Variants in FOXP2 observed in about 807,000 individuals in gnomAD.
FOXP2 encodes forkhead box P2, also known as forkhead box protein P2.
A neutral mutation model predicts 115.8 loss-of-function variants in FOXP2; 12 were observed. The ratio of observed to expected loss-of-function variants is 0.10; its 90% CI spans 0.07 to 0.17. FOXP2 has a LOEUF of 0.17. Ranked by LOEUF, FOXP2 falls within the 10% of genes least tolerant of loss-of-function variation. The pLI is 1.00. For synonymous variants in FOXP2, 328 were observed against 297.7 expected, an observed-to-expected ratio of 1.10 and a Z score of -1.05; for missense variants, 629 against 843.5, an observed-to-expected ratio of 0.75 and a Z score of 3.15.
intron 1 of FOXP2, among the ~76,000 whole-genome samples, chr7:114,120,018 T>C (rs918726234): frequency 6.6e-6 from 1 of 152,176 alleles, no homozygotes; most frequent in Non-Finnish European, 1.5e-5. Flanking sequence ...AGCAGAGGTA[T>C]AGAAAATCCC....
chr7:114,560,345 C>T (rs974471053), intron 3 of FOXP2, among the ~76,000 whole-genome samples: 3 of 152,114 alleles, frequency 2.0e-5, no homozygotes, highest in African/African-American at 7.2e-5. Flanking sequence ...GTGTCTCACA[C>T]CTGTAATCCC....
chr7:114,322,993 G>A (rs1161570090), intron 2 of FOXP2, among the ~76,000 whole-genome samples: 1 of 152,010 alleles, frequency 6.6e-6, no homozygotes, highest in Non-Finnish European at 1.5e-5. Flanking sequence ...GAGTTCTTTG[G>A]CAGATTTATA....
intron 3 of FOXP2, among the ~76,000 whole-genome samples, chr7:114,584,206 T>A (rs888943618): frequency 6.6e-6 from 1 of 152,150 alleles, no homozygotes; most frequent in African/African-American, 2.4e-5. Context: ...CTATGGCATT[T>A]TTCTGATTTT....
At chr7:114,256,820 T>G (rs1795625586) in intron 1 of FOXP2, among the ~76,000 whole-genome samples, 1 of 152,184 alleles carries the variant, frequency 6.6e-6, no homozygotes, top group African/African-American at 2.4e-5. Context: ...GGAAAAACAT[T>G]CCATGCTCAT....
intron 1 of FOXP2, among the ~76,000 whole-genome samples, chr7:114,195,084 C>T (rs999149271): frequency 4.3e-4 from 66 of 152,170 alleles, no homozygotes; most frequent in African/African-American, 1.5e-3. Flanking sequence ...TTGAGTCTGT[C>T]CTTGGGCATT....
intron 2 of FOXP2, among the ~76,000 whole-genome samples, chr7:114,507,111 G>T (rs1404008793): frequency 6.6e-6 from 1 of 151,720 alleles, no homozygotes; most frequent in Non-Finnish European, 1.5e-5. Flanking sequence ...ATCAGTTGGT[G>T]TCCTGGAAGT....
At chr7:114,218,282 T>C (rs1176318848) in intron 1 of FOXP2, among the ~76,000 whole-genome samples, 1 of 152,168 alleles carries the variant, frequency 6.6e-6, no homozygotes, top group East Asian at 1.9e-4. Context: ...ACTCTCCAAA[T>C]ACAAAATGAC....
At chr7:114,586,764 A>G (rs1258767902) in intron 3 of FOXP2, among the ~76,000 whole-genome samples, 1 of 152,096 alleles carries the variant, frequency 6.6e-6, no homozygotes, top group Admixed American at 6.6e-5. Flanking sequence ...TTCCCTCAAA[A>G]CAGTCATTTG....
chr7:114,176,684 G>A (rs1195796264), intron 1 of FOXP2, among the ~76,000 whole-genome samples: 3 of 43,066 alleles, frequency 7.0e-5, no homozygotes, highest in Admixed American at 6.5e-4. Context: ...TTTTTTTTTT[G>A]TAAGCTTTTA....
At chr7:114,135,356 G>A (rs1823515) in intron 1 of FOXP2, among the ~76,000 whole-genome samples, 124,910 of 152,034 alleles carry the variant, frequency 0.82, 52,508 homozygotes, top group Non-Finnish European at 0.92. Context: ...TTTTTAAAAA[G>A]GCAAAGAAAA....
At chr7:114,269,928 C>T (rs1654962476) in intron 1 of FOXP2, among the ~76,000 whole-genome samples, 1 of 152,098 alleles carries the variant, frequency 6.6e-6, no homozygotes, top group South Asian at 2.1e-4. Context: ...TTACTTTGTG[C>T]CAGGTGCTTT....
chr7:114,610,241 C>A (rs1803557100), intron 3 of FOXP2, among the ~76,000 whole-genome samples: 1 of 152,112 alleles, frequency 6.6e-6, no homozygotes, highest in Non-Finnish European at 1.5e-5. Context: ...TTAGCTACAC[C>A]ATTGCAACTG....
At chr7:114,627,143 T>C (rs532760642) in intron 3 of FOXP2, among the ~76,000 whole-genome samples, 2 of 110,530 alleles carry the variant, frequency 1.8e-5, no homozygotes, top group East Asian at 4.0e-4. Context: ...CCTGGATTTC[T>C]TTTTTTTTTT....
intron 1 of FOXP2, among the ~76,000 whole-genome samples, chr7:114,174,195 C>T (rs929817645): frequency 1.3e-5 from 2 of 152,004 alleles, no homozygotes; most frequent in African/African-American, 4.8e-5. Flanking sequence ...TACTCCCACA[C>T]ATACTTATGT....
At chr7:114,479,525 A>G (rs2129236158) in intron 2 of FOXP2, among the ~76,000 whole-genome samples, 1 of 150,128 alleles carries the variant, frequency 6.7e-6, no homozygotes, top group East Asian at 1.9e-4. Flanking sequence ...TGATAATTTT[A>G]GAAGAGATAT....
At chr7:114,323,104 G>A (rs1020202053) in intron 2 of FOXP2, among the ~76,000 whole-genome samples, 20 of 152,106 alleles carry the variant, frequency 1.3e-4, no homozygotes, top group Non-Finnish European at 4.4e-5. Context: ...GCATGTCTAT[G>A]TATGTGATTT....
At chr7:114,271,524 A>T (rs1796038559) in intron 1 of FOXP2, among the ~76,000 whole-genome samples, 1 of 130,540 alleles carries the variant, frequency 7.7e-6, no homozygotes, top group Non-Finnish European at 1.6e-5. Flanking sequence ...ATATTAATAT[A>T]ATTATTATAT....
intron 2 of FOXP2, among the ~76,000 whole-genome samples, chr7:114,326,230 A>G (rs775015838): frequency 6.6e-6 from 1 of 152,140 alleles, no homozygotes; most frequent in Non-Finnish European, 1.5e-5. Context: ...TTAGATAGCA[A>G]AGAGTACAAA....
At chr7:114,662,908 A>G (rs775616073) in intron 14 of FOXP2, among the ~76,000 whole-genome samples, 15 of 152,138 alleles carry the variant, frequency 9.9e-5, no homozygotes, top group Non-Finnish European at 1.8e-4. Context: ...ATATGAAGAG[A>G]TGACTTTAAT....
Sources: allele counts gnomAD v4.1 joint callset (sites outside exome capture counted in the v4.1 genomes callset), GRCh38; gene constraint gnomAD v4.1.1; transcripts MANE v1.5; gene names NCBI Gene and HGNC (gene_info 2026-07-23, HGNC 2026-07-21).